The following SP6 variants were observed in gnomAD, a reference collection of about 807,000 sequenced individuals.
The protein encoded by SP6 is transcription factor Sp6.
SP6 carries 10 observed loss-of-function variants against 23.4 expected under a neutral mutation model. The ratio of observed to expected loss-of-function variants is 0.43; its 90% CI spans 0.26 to 0.72. The LOEUF (loss-of-function observed/expected upper bound fraction) is 0.72. SP6 is among the 30% of genes least tolerant of loss of function. The pLI, the probability that SP6 is intolerant of heterozygous loss-of-function variation, is 0.23. For synonymous variants in SP6, 238 were observed against 238.7 expected (o/e 1.00, Z 0.03); for missense variants, 482 against 523.8 (o/e 0.92, Z 0.78).
At chr17:47,862,872 G>A in the SP6 span, among the ~76,000 whole-genome samples, 1 of 152,268 alleles carries the variant, frequency 6.6e-6, no homozygotes, top group South Asian at 2.1e-4. Context: ...TGGCAGAGAG[G>A]GCACCCTTGC....
At chr17:47,873,545 C>T in the SP6 span, among the ~76,000 whole-genome samples, 1 of 152,212 alleles carries the variant, frequency 6.6e-6, no homozygotes, top group Non-Finnish European at 1.5e-5. Flanking sequence ...TTGCCTCTAA[C>T]TTGCTGGGTA....
chr17:47,858,088 G>T (rs111978647), upstream of SP6, among the ~76,000 whole-genome samples: 3,713 of 151,970 alleles, frequency 0.024, 130 homozygotes, highest in African/African-American at 0.073. Context: ...TCGCCTCTCG[G>T]TCTCCCACCT....
chr17:47,849,543 T>C (rs182875149), intron 1 of SP6, among the ~76,000 whole-genome samples: 16 of 152,332 alleles, frequency 1.1e-4, no homozygotes, highest in Non-Finnish European at 2.2e-4. Context: ...AAGATTCTTA[T>C]ATGCAGCAAA....
the SP6 span, among the ~76,000 whole-genome samples, chr17:47,869,413 G>A: frequency 1.3e-5 from 2 of 152,198 alleles, no homozygotes; most frequent in Non-Finnish European, 2.9e-5. Flanking sequence ...TTGGGATCTG[G>A]GGAGTCTGGA....
At chr17:47,853,641 C>G (rs2033978044), upstream of SP6, among the ~76,000 whole-genome samples, 1 of 152,114 alleles carries the variant, frequency 6.6e-6, no homozygotes, top group Non-Finnish European at 1.5e-5. Context: ...GGATTCAGCC[C>G]GAGGATGGTA....
rs1232191945 is a variant in SP6 at position 47,847,895 on chromosome 17, C to T, written c.535G>A (p.Gly179Arg). 1 of 1,560,094 alleles carries T rather than the reference C, an allele frequency of 6.4e-7. No homozygotes were observed. Among genetic ancestry groups the T allele is most frequent in the South Asian group, 1.2e-5 (1 of 85,140 alleles). The change falls in exon 2 of 2, where the codon GGG becomes AGG. Residue 179 changes from glycine to arginine, a missense_variant. This residue lies in a region of SP6 where 330 missense variants were observed against 332.3 expected (regional missense o/e 0.99). Coordinates refer to ENST00000536300, the MANE Select transcript of SP6 (RefSeq NM_001258248.2). ...TCGGGCGGCCCTAGGAGATGCTGCC[C>T]TCCGGCAGCTGGAAGGAGGTGGTGC... ...HAHHLLPAAG[G>R]QHLLGPPDGA...
At chr17:47,860,832 C>T (rs2143668446), upstream of SP6, among the ~76,000 whole-genome samples, 1 of 152,360 alleles carries the variant, frequency 6.6e-6, no homozygotes, top group African/African-American at 2.4e-5. Context: ...CTTCCTCTTT[C>T]ACCCTGACAC....
chr17:47,846,921 A>C lies in SP6; in HGVS notation c.*378T>G. 5.1e-6 allele frequency: 1 copy of C among 194,880 alleles called. No homozygotes were observed. The allele number at this position is 194,880 out of a possible 1,614,324, so 12.1% of individuals were successfully genotyped here. On this transcript the variant is annotated 3_prime_UTR_variant, in exon 2 of 2. Transcript: ENST00000536300. ...AGGACGTGTCCAGACAGCCACCACC[A>C]GCGCCCCGGGCCGGCCCCACTTCTC...
upstream of SP6, among the ~76,000 whole-genome samples, chr17:47,857,387 G>A (rs1477376650): frequency 6.6e-6 from 1 of 152,184 alleles, no homozygotes; most frequent in Non-Finnish European, 1.5e-5. Flanking sequence ...CCAAATTATA[G>A]TTAATTACAG....
At position 47,847,869 on chromosome 17, in the gene SP6, G is replaced by A. The variant is rs760116499; in HGVS notation, c.561C>T (p.Asp187=). 2 of 1,539,654 alleles carry A rather than the reference G, an allele frequency of 1.3e-6. No homozygotes were observed. The highest frequency in any genetic ancestry group is 1.4e-5 in the African/African-American group (1 of 73,338). ...CGGCTACTTCCAAGGCCTTAGCCCC[G>A]TCGGGCGGCCCTAGGAGATGCTGCC... ...AGGQHLLGPP[D]GAKALEVAAP... The change falls in exon 2 of 2, where the codon GAC becomes GAT. Residue 187 remains aspartate, a synonymous_variant. Coordinates refer to ENST00000536300, the MANE Select transcript of SP6 (RefSeq NM_001258248.2).
At chr17:47,860,887 C>A in the SP6 span, among the ~76,000 whole-genome samples, 1 of 152,094 alleles carries the variant, frequency 6.6e-6, no homozygotes, top group Non-Finnish European at 1.5e-5. Context: ...GGGTGGCAGA[C>A]AAGGCTCCAT....
chr17:47,868,479 T>C, the SP6 span, among the ~76,000 whole-genome samples: 3 of 152,158 alleles, frequency 2.0e-5, no homozygotes. Context: ...GCACTGAGCC[T>C]TCCCACTTTC....
the SP6 span, among the ~76,000 whole-genome samples, chr17:47,873,601 A>G: frequency 6.6e-6 from 1 of 152,142 alleles, no homozygotes; most frequent in African/African-American, 2.4e-5. Context: ...ATTTCTCTGA[A>G]TATCAAGTGG....
chr17:47,862,507 C>CAAAAAAAAA, the SP6 span, among the ~76,000 whole-genome samples: 5 of 86,038 alleles, frequency 5.8e-5, no homozygotes, highest in Non-Finnish European at 4.4e-5. Context: ...GACTTTGTCT[C>CAAAAAAAAA]AAAAAAAAAA....
At chr17:47,859,007 T>C (rs1567963881), upstream of SP6, among the ~76,000 whole-genome samples, 1 of 152,056 alleles carries the variant, frequency 6.6e-6, no homozygotes. Flanking sequence ...ACTCCTGGCC[T>C]CAGGTGATCC....
At chr17:47,860,365 T>G (rs2034026780), upstream of SP6, among the ~76,000 whole-genome samples, 3 of 152,222 alleles carry the variant, frequency 2.0e-5, no homozygotes, top group South Asian at 6.2e-4. Context: ...TATTCTCTGA[T>G]GGGTAATACA....
the SP6 span, among the ~76,000 whole-genome samples, chr17:47,871,689 G>A: frequency 6.6e-6 from 1 of 151,638 alleles, no homozygotes; most frequent in Non-Finnish European, 1.5e-5. Context: ...CGTGATCTTG[G>A]CTCACCACAA....
In SP6 at chr17:47,846,911, A is replaced by C; in HGVS notation, c.*388T>G. 5.3e-6 allele frequency: 1 copy of C among 188,988 alleles called. No individual in the cohort carries two copies. Among genetic ancestry groups the C allele is most frequent in the Admixed American group, 5.8e-5 (1 of 17,358 alleles). 11.7% of individuals were successfully genotyped at this position (188,988 alleles called of 1,614,324 possible). Reference sequence around the variant, plus strand: ...CCAGGCGCTAAGGACGTGTCCAGACAGCCACCACCAGCGCCCCGGGCCGGC... The same window carrying C: ...CCAGGCGCTAAGGACGTGTCCAGACCGCCACCACCAGCGCCCCGGGCCGGC... On this transcript the variant is annotated 3_prime_UTR_variant, in exon 2 of 2. Coordinates refer to ENST00000536300, the MANE Select transcript of SP6 (RefSeq NM_001258248.2).
upstream of SP6, among the ~76,000 whole-genome samples, chr17:47,859,858 G>A (rs1353604558): frequency 6.6e-6 from 1 of 152,180 alleles, no homozygotes; most frequent in Non-Finnish European, 1.5e-5. Context: ...GAGGTTTGGG[G>A]CAAAGGAGCA....
Sources: allele counts gnomAD v4.1 joint callset (sites outside exome capture counted in the v4.1 genomes callset), GRCh38; gene constraint gnomAD v4.1.1; regional missense constraint gnomAD v4.1.1; transcripts MANE v1.5; gene names NCBI Gene and HGNC (gene_info 2026-07-23, HGNC 2026-07-21).